Variants in NBPF14 observed in about 807,000 individuals in gnomAD.
The protein encoded by NBPF14 is NBPF member 14.
A neutral mutation model predicts 91.2 loss-of-function variants in NBPF14; 104 were observed. The observed-to-expected ratio is 1.14, with a 90% CI of 0.97 to 1.34. NBPF14 has a LOEUF of 1.34. Among genes scored for constraint, NBPF14 ranks in the 40% most tolerant of loss-of-function variants. The pLI is 0.00. For synonymous variants in NBPF14, 294 were observed against 303.8 expected (o/e 0.97, Z 0.34); for missense variants, 908 against 783.0 (o/e 1.16, Z -1.91).
chr1:148,534,986 A>C (rs1468951974), intron 68 of NBPF14, 130 bp from the exon 69 acceptor site: 39 of 725,102 alleles, frequency 5.4e-5, no homozygotes, highest in African/African-American at 4.7e-4. Flanking sequence ...TGAGGTAACG[A>C]ATTATTGCCT....
intron 47 of NBPF14, among the ~76,000 whole-genome samples, chr1:148,551,729 A>G (rs1161214573): frequency 1.1e-4 from 2 of 18,654 alleles, no homozygotes; most frequent in Non-Finnish European, 1.7e-4. Flanking sequence ...CCCAGGTCCA[A>G]TGTCATGAGA....
rs1405515531 is a variant in NBPF14, at chr1:148,534,866, T to A, written c.8442-10A>T. ...CAGCTCCCTGCTGAGCCTGGAAAAG[T>A]AGGAAAAAGTAAAGAATAAGCCAGG... On this transcript the variant is annotated splice_polypyrimidine_tract_variant and intron_variant, in intron 68 of 70. Transcript: ENST00000619423. 7.8e-5 allele frequency: 67 copies of A among 861,598 alleles called. No homozygotes were observed. The highest frequency in any genetic ancestry group is 1.1e-4 in the Non-Finnish European group (58 of 508,602). The allele number at this position is 861,598 out of a possible 1,614,324, so 53.4% of individuals were successfully genotyped here.
exon 71 of NBPF14, chr1:148,532,825 CCATT>C (rs1653919897): frequency 1.5e-6 from 2 of 1,293,688 alleles, no homozygotes; most frequent in South Asian, 3.0e-5. Context: ...TAACGTGGGT[CCATT>C]GTCTTCAGAC....
intron 69 of NBPF14, 118 bp downstream of exon 69, chr1:148,534,566 T>C (rs1253782894): frequency 5.2e-6 from 4 of 766,926 alleles, no homozygotes; most frequent in South Asian, 2.8e-5. Flanking sequence ...TATGCGCCCA[T>C]AGGTCCTGCC....
rs1661720425 is a variant in NBPF14 at position 148,587,402 on chromosome 1, T to C, written c.990A>G (p.Lys330=). ...TTATGAGGTCTTTGCACTCTTCATA[T>C]TCTGAGAAAAGACAGACACACCTAC... The change falls in exon 8 of 71, where the codon AAA becomes AAG. Residue 330 remains lysine, a splice_region_variant and synonymous_variant. Transcript: ENST00000619423. 8.9e-6 allele frequency: 14 copies of C among 1,577,434 alleles called. 1 individual carries two copies. In the South Asian group the frequency reaches 1.0e-4, roughly 11 times the overall value.
In NBPF14 at chr1:148,566,537, AC is replaced by A. The variant is rs1658396267; in HGVS notation, c.3543-223del. On this transcript the variant is annotated intron_variant, in intron 28 of 70. Transcript: ENST00000619423. ...CACACACACACACACACACACACACACACAAACACACACACACACACAGAGA... is the reference window on the plus strand; with the variant it reads ...CACACACACACACACACACACACACAACAAACACACACACACACACAGAGA... Among the ~76,000 whole-genome samples, 71 of 120,702 alleles carry A rather than the reference AC, an allele frequency of 5.9e-4. 1 individual carries two copies. The highest frequency in any genetic ancestry group is 4.9e-3 in the Middle Eastern group (1 of 206). The allele number at this position is 120,702 out of a possible 152,430, so 79.2% of individuals were successfully genotyped here. A position where few individuals can be genotyped will look rare whatever the true frequency, so the allele number is the denominator to read the frequency against.
intron 39 of NBPF14, 49 bp from the exon 40 acceptor site, chr1:148,557,591 A>C (rs1254870894): frequency 3.2e-6 from 2 of 618,014 alleles, no homozygotes; most frequent in Non-Finnish European, 5.6e-6. Context: ...ATTCACCTAC[A>C]CCCATAACAG....
intron 29 of NBPF14, among the ~76,000 whole-genome samples, chr1:148,565,813 T>C (rs1658163732): frequency 7.4e-5 from 1 of 13,496 alleles, no homozygotes; most frequent in African/African-American, 2.5e-4. Flanking sequence ...CATTAGACAC[T>C]GAAATTAGAG....
chr1:148,561,816 C>G (rs1338654914), intron 34 of NBPF14, among the ~76,000 whole-genome samples: 15,343 of 105,306 alleles, frequency 0.15, 41 homozygotes, highest in Middle Eastern at 0.18. Context: ...CACACACACA[C>G]ACAGAGAGAG....
At chr1:148,572,648 A>AG (rs1412233299) in intron 20 of NBPF14, 33 bp from the exon 21 acceptor site, 3 of 633,968 alleles carry the variant, frequency 4.7e-6, no homozygotes, top group African/African-American at 5.9e-5. Context: ...AGAATAAGCC[A>AG]GGGGGAATCA....
In NBPF14 at chr1:148,567,603, G is replaced by C; in HGVS notation, c.3490+110C>G. 1.4e-5 allele frequency: 3 copies of C among 212,920 alleles called. 1 individual carries two copies. The highest frequency in any genetic ancestry group is 2.4e-5 in the South Asian group (1 of 41,396). 13.2% of individuals were successfully genotyped at this position (212,920 alleles called of 1,614,324 possible). Reference sequence around the variant, plus strand: ...CAAACTATATGCGCCCATAGGTCCTGCCTGCGGCAATGACGTCTCTCGGGT... The same window carrying C: ...CAAACTATATGCGCCCATAGGTCCTCCCTGCGGCAATGACGTCTCTCGGGT... On this transcript the variant is annotated intron_variant, in intron 27 of 70. Transcript: ENST00000619423.
At chr1:148,542,217 T>C (rs1392014975) in intron 59 of NBPF14, among the ~76,000 whole-genome samples, 1 of 84,222 alleles carries the variant, frequency 1.2e-5, no homozygotes, top group Non-Finnish European at 2.0e-5. Context: ...GTGAGGACTT[T>C]AGACACTGAA....
chr1:148,557,629 C>T (rs1267894544), intron 39 of NBPF14, 87 bp from the exon 40 acceptor site: 11 of 576,234 alleles, frequency 1.9e-5, no homozygotes, highest in Middle Eastern at 4.7e-4. Context: ...ACACAGGGAT[C>T]TCAGGCTCCT....
At chr1:148,559,344 T>C (rs1441234803) in intron 37 of NBPF14, among the ~76,000 whole-genome samples, 1 of 128,642 alleles carries the variant, frequency 7.8e-6, no homozygotes, top group African/African-American at 3.9e-5. Context: ...TGCCATATTT[T>C]TCCAATCGAT....
rs1228755431 is a variant in NBPF14 at position 148,572,485 on chromosome 1, A to C, written c.2716T>G (p.Ser906Ala). 89 of 564,164 alleles carry C rather than the reference A, an allele frequency of 1.6e-4. 13 individuals are homozygous for C. In the African/African-American group the frequency reaches 2.7e-3, roughly 17 times the overall value. The allele number at this position is 564,164 out of a possible 1,614,324, so 34.9% of individuals were successfully genotyped here. Reference sequence around the variant, plus strand: ...AAGCCAAGGTACTGTTCCTCCAATGAGTAAACAGCACTGCTGTAGGGCTGG... The same window carrying C: ...AAGCCAAGGTACTGTTCCTCCAATGCGTAAACAGCACTGCTGTAGGGCTGG... The change falls in exon 21 of 71, where the codon TCA becomes GCA. Residue 906 changes from serine (S) to alanine (A), a missense_variant. By Grantham distance (99) the Ser-to-Ala change is moderately conservative. Around this residue, in one of 13 missense-constraint regions of NBPF14, gnomAD observed 447 missense variants for 189.1 expected, o/e 2.36. Coordinates refer to ENST00000619423, the Ensembl canonical transcript of NBPF14.
At chr1:148,559,641 T>A (rs1657322549) in intron 37 of NBPF14, among the ~76,000 whole-genome samples, 152 bp downstream of exon 37, 1 of 125,258 alleles carries the variant, frequency 8.0e-6, no homozygotes, top group Non-Finnish European at 1.5e-5. Flanking sequence ...GGCTTCCAAG[T>A]GGAACTAGAG....
intron 2 of NBPF14, among the ~76,000 whole-genome samples, chr1:148,593,921 A>G (rs1238942971): frequency 3.2e-4 from 48 of 150,084 alleles, no homozygotes; most frequent in African/African-American, 1.1e-3. Flanking sequence ...GGGCACATCA[A>G]GGAAGTTGAC....
chr1:148,584,180 CAAG>C (rs1364610341), intron 11 of NBPF14, among the ~76,000 whole-genome samples: 4 of 152,244 alleles, frequency 2.6e-5, no homozygotes, highest in Non-Finnish European at 5.9e-5. Context: ...TCACAGATGA[CAAG>C]AGATACTGAA....
intron 43 of NBPF14, among the ~76,000 whole-genome samples, 171 bp from the exon 44 acceptor site, chr1:148,554,531 GT>G (rs1656365846): frequency 2.1e-5 from 2 of 94,642 alleles, no homozygotes; most frequent in Admixed American, 2.0e-4. Context: ...AGATTCCTTG[GT>G]TTTTGTCCCA....
Sources: gnomAD v4.1 joint callset for allele counts (sites outside exome capture counted in the v4.1 genomes callset) on GRCh38, gnomAD v4.1.1 for gene constraint, gnomAD v4.1.1 regional missense constraint, MANE v1.5 for transcripts, NCBI Gene and HGNC (gene_info 2026-07-23, HGNC 2026-07-21) for gene names.